The following SGCG variants were observed in gnomAD, a reference collection of about 807,000 sequenced individuals.
SGCG encodes gamma-sarcoglycan.
SGCG carries 26 observed loss-of-function variants against 29.3 expected under a neutral mutation model. The observed-to-expected ratio is 0.89, with a 90% CI of 0.65 to 1.23. The LOEUF is 1.23. Ranked by LOEUF, SGCG falls within the 50% of genes most tolerant of loss-of-function variation. The probability of loss-of-function intolerance (pLI) is 0.00; values close to 1 mark genes in which losing one functional copy is unlikely to be tolerated. For missense variants in SGCG, 353 were observed against 356.0 expected (o/e 0.99, Z 0.07); for synonymous variants, 145 against 129.7 (o/e 1.12, Z -0.80).
chr13:23,273,788 C>G (rs1459414024), intron 4 of SGCG, among the ~76,000 whole-genome samples: 1 of 152,016 alleles, frequency 6.6e-6, no homozygotes, highest in Non-Finnish European at 1.5e-5. Flanking sequence ...TACCTTGTGC[C>G]CTGATGTGTG....
chr13:23,253,733 G>A (rs995213285), intron 4 of SGCG, among the ~76,000 whole-genome samples: 5 of 152,216 alleles, frequency 3.3e-5, no homozygotes, highest in Non-Finnish European at 7.3e-5. Context: ...GGGGCCTAAT[G>A]GATGGTATTG....
At chr13:23,313,169 C>CTTTTT (rs11352200) in intron 6 of SGCG, among the ~76,000 whole-genome samples, 1 of 145,956 alleles carries the variant, frequency 6.9e-6, no homozygotes. Context: ...TCTTCTTCTT[C>CTTTTT]TTTTTTTTTT....
At chr13:23,282,501 A>G (rs1383437175) in intron 5 of SGCG, among the ~76,000 whole-genome samples, 1 of 152,056 alleles carries the variant, frequency 6.6e-6, no homozygotes, top group African/African-American at 2.4e-5. Context: ...CCCTTCAGTA[A>G]GCCTCAGTGT....
chr13:23,164,364 A>G, the SGCG span, among the ~76,000 whole-genome samples: 1 of 152,196 alleles, frequency 6.6e-6, no homozygotes, highest in East Asian at 1.9e-4. Flanking sequence ...TCCTACTTTA[A>G]GAGTCACTTT....
intron 1 of SGCG, among the ~76,000 whole-genome samples, chr13:23,190,399 T>G (rs1877196580): frequency 6.6e-6 from 1 of 152,172 alleles, no homozygotes; most frequent in South Asian, 2.1e-4. Flanking sequence ...ACCATAAATT[T>G]TATACATGCT....
At chr13:23,214,102 C>G (rs549702326) in intron 2 of SGCG, among the ~76,000 whole-genome samples, 1 of 152,342 alleles carries the variant, frequency 6.6e-6, no homozygotes, top group South Asian at 2.1e-4. Flanking sequence ...AAAGGGCCTT[C>G]AGACCTCTCA....
chr13:23,216,793 A>G (rs1342755557), intron 2 of SGCG, among the ~76,000 whole-genome samples: 4 of 152,140 alleles, frequency 2.6e-5, no homozygotes, highest in African/African-American at 9.6e-5. Context: ...TCTGTTGTTA[A>G]TTACATAAAA....
chr13:23,240,012 G>C (rs971437355), intron 3 of SGCG, among the ~76,000 whole-genome samples: 1 of 152,108 alleles, frequency 6.6e-6, no homozygotes, highest in African/African-American at 2.4e-5. Flanking sequence ...CCAACTGAAA[G>C]ACAGACTGTG....
chr13:23,321,160 C>T (rs964171980), intron 7 of SGCG, among the ~76,000 whole-genome samples: 6 of 151,998 alleles, frequency 3.9e-5, no homozygotes, highest in Non-Finnish European at 5.9e-5. Flanking sequence ...CAGAGTGCTG[C>T]GTTTAAGCTG....
intron 4 of SGCG, among the ~76,000 whole-genome samples, chr13:23,277,662 A>C (rs905236678): frequency 5.3e-5 from 8 of 152,020 alleles, no homozygotes; most frequent in Non-Finnish European, 1.0e-4. Flanking sequence ...CACACACAAA[A>C]AAAATTATAA....
intron 3 of SGCG, among the ~76,000 whole-genome samples, chr13:23,248,017 G>A (rs1465853627): frequency 7.1e-6 from 1 of 141,694 alleles, no homozygotes; most frequent in Non-Finnish European, 1.6e-5. Context: ...GCTCACGCCT[G>A]TAATCCCAGC....
At chr13:23,280,932 T>G (rs1180576203) in intron 5 of SGCG, among the ~76,000 whole-genome samples, 1 of 152,122 alleles carries the variant, frequency 6.6e-6, no homozygotes, top group Non-Finnish European at 1.5e-5. Flanking sequence ...CAGGGCTCCT[T>G]CCGGGCCATG....
intron 2 of SGCG, among the ~76,000 whole-genome samples, chr13:23,208,247 C>A (rs1225970083): frequency 1.3e-5 from 2 of 152,074 alleles, no homozygotes; most frequent in East Asian, 1.9e-4. Flanking sequence ...TTCAAATTAA[C>A]AAAGTTTGGC....
At chr13:23,197,968 C>T (rs938599164) in intron 1 of SGCG, among the ~76,000 whole-genome samples, 1 of 151,904 alleles carries the variant, frequency 6.6e-6, no homozygotes, top group Non-Finnish European at 1.5e-5. Flanking sequence ...AAAGACGTAA[C>T]ACTGAAAAAA....
intron 4 of SGCG, chr13:23,268,583 G>A (rs543374515): frequency 6.6e-5 from 10 of 152,614 alleles, no homozygotes; most frequent in African/African-American, 2.2e-4. Context: ...AGTAAAGAAG[G>A]GTGGGGAAGT....
intron 6 of SGCG, among the ~76,000 whole-genome samples, chr13:23,314,185 TATATAGAGAG>T (rs202227652): frequency 0.19 from 28,270 of 146,348 alleles, 3,276 homozygotes; most frequent in Non-Finnish European, 0.25. Context: ...AGTATATATA[TATATAGAGAG>T]AGAGAGAGAG....
At chr13:23,240,954 C>T (rs916285171) in intron 3 of SGCG, among the ~76,000 whole-genome samples, 1 of 151,794 alleles carries the variant, frequency 6.6e-6, no homozygotes, top group Non-Finnish European at 1.5e-5. Flanking sequence ...GAGATCGAGA[C>T]CATCCTAACA....
Position 23,214,546 on chromosome 13 carries a change from A to G in SGCG, c.195+10657A>G, listed in dbSNP as rs561921799. The stretch of plus-strand genomic sequence containing the variant: ...TGGTGGCTCCATTTAGAAACATTTT[A>G]CCACTGGTCTTCCAACTGCCTTTCT... On this transcript the variant is annotated intron_variant, in intron 2 of 7. Transcript: ENST00000218867. Among the ~76,000 whole-genome samples, 20 of 152,286 alleles carry G rather than the reference A, an allele frequency of 1.3e-4. 1 individual carries two copies. In the South Asian group the frequency reaches 4.0e-3, roughly 30 times the overall value.
chr13:23,277,695 T>TC (rs1881137705), intron 4 of SGCG, among the ~76,000 whole-genome samples: 1 of 150,036 alleles, frequency 6.7e-6, no homozygotes, highest in Admixed American at 6.6e-5. Flanking sequence ...TTTCTCAACT[T>TC]CCTTTTTTTT....
Sources: allele counts gnomAD v4.1 joint callset (sites outside exome capture counted in the v4.1 genomes callset), GRCh38; gene constraint gnomAD v4.1.1; transcripts MANE v1.5; gene names NCBI Gene and HGNC (gene_info 2026-07-23, HGNC 2026-07-21).